The following RIPPLY3 variants were observed in gnomAD, a reference collection of about 807,000 sequenced individuals.
RIPPLY3 encodes ripply transcriptional repressor 3.
A neutral mutation model predicts 11.9 loss-of-function variants in RIPPLY3; 8 were observed. The ratio of observed to expected loss-of-function variants is 0.67; its 90% CI spans 0.40 to 1.21. RIPPLY3 has a LOEUF of 1.21. Among genes scored for constraint, RIPPLY3 ranks in the 50% most tolerant of loss-of-function variants. The probability of loss-of-function intolerance (pLI) is 0.01; values close to 1 mark genes in which losing one functional copy is unlikely to be tolerated. For missense variants in RIPPLY3, 271 were observed against 246.0 expected (o/e 1.10, Z -0.68); for synonymous variants, 102 against 99.0 (o/e 1.03, Z -0.18).
In RIPPLY3 at chr21:37,019,570, T is replaced by A. The variant is rs2069619773; in HGVS notation, c.*1363T>A. 6.6e-6 allele frequency: 1 copy of A among 152,172 alleles called. No individual in the cohort carries two copies. Among genetic ancestry groups the A allele is most frequent in the Non-Finnish European group, 1.5e-5 (1 of 68,042 alleles). 9.4% of individuals were successfully genotyped at this position (152,172 alleles called of 1,614,324 possible). A position where few individuals can be genotyped will look rare whatever the true frequency, so the allele number is the denominator to read the frequency against. ...TAATATTTTGATAAACGTGTATTCC[T>A]GAAACTTTTTGACTTACTTATCTTA... On this transcript the variant is annotated 3_prime_UTR_variant, in exon 4 of 4. Coordinates refer to ENST00000329553, the MANE Select transcript of RIPPLY3 (RefSeq NM_018962.3).
At chr21:37,013,380 C>T (rs11088373) in intron 2 of RIPPLY3, among the ~76,000 whole-genome samples, 171 bp from the exon 3 acceptor site, 26,302 of 152,094 alleles carry the variant, frequency 0.17, 2,857 homozygotes, top group South Asian at 0.34. Context: ...TTTTGGGCCG[C>T]GGTAACAGGA....
chr21:37,014,515 T>C (rs1049225704), intron 3 of RIPPLY3, among the ~76,000 whole-genome samples: 2 of 151,342 alleles, frequency 1.3e-5, no homozygotes, highest in Admixed American at 1.3e-4. Flanking sequence ...TCTGCCTGTC[T>C]CTCTGTCTCT....
Position 37,018,365 on chromosome 21 carries a change from C to T in RIPPLY3, c.*158C>T. 1.6e-6 allele frequency: 1 copy of T among 619,310 alleles called. No homozygotes were observed. The highest frequency in any genetic ancestry group is 2.8e-6 in the Non-Finnish European group (1 of 355,470). 38.4% of individuals were successfully genotyped at this position (619,310 alleles called of 1,614,324 possible). A position where few individuals can be genotyped will look rare whatever the true frequency, so the allele number is the denominator to read the frequency against. ...CACACTACTCATGACAGAAAGTCAG[C>T]TTTTACTTTTCTTTCCCCTGGCAAT... On this transcript the variant is annotated 3_prime_UTR_variant, in exon 4 of 4. Transcript: ENST00000329553.
chr21:37,018,302 T>G lies in RIPPLY3; in HGVS notation c.*95T>G. On this transcript the variant is annotated 3_prime_UTR_variant, in exon 4 of 4. Coordinates refer to ENST00000329553, the MANE Select transcript of RIPPLY3 (RefSeq NM_018962.3). ...GGACACTACGCATCCCTGCTGAGTG[T>G]GCAGAGGCTAGAGGCTTCTCGGGCA... The G allele has an allele frequency of 9.3e-7, 1 of 1,076,276 alleles. No homozygotes were observed. Among genetic ancestry groups the G allele is most frequent in the Non-Finnish European group, 1.4e-6 (1 of 716,344 alleles). 66.7% of individuals were successfully genotyped at this position (1,076,276 alleles called of 1,614,324 possible).
At chr21:37,009,613 A>G (rs1450848089) in intron 2 of RIPPLY3, among the ~76,000 whole-genome samples, 1 of 152,254 alleles carries the variant, frequency 6.6e-6, no homozygotes, top group Admixed American at 6.5e-5. Context: ...GATGTTTACA[A>G]TTATCCAGTT....
At chr21:37,012,224 A>ATTATTATTG (rs2069531583) in intron 2 of RIPPLY3, among the ~76,000 whole-genome samples, 1 of 144,306 alleles carries the variant, frequency 6.9e-6, no homozygotes, top group African/African-American at 2.6e-5. Flanking sequence ...TATTATTATT[A>ATTATTATTG]TTATTATTAT....
At chr21:37,016,984 C>T (rs954128461) in intron 3 of RIPPLY3, among the ~76,000 whole-genome samples, 9 of 151,848 alleles carry the variant, frequency 5.9e-5, no homozygotes, top group Non-Finnish European at 1.2e-4. Context: ...GGTGAAACTC[C>T]GTCTCTACTA....
chr21:37,006,704 T>C lies in RIPPLY3; in HGVS notation c.-69T>C, dbSNP rs2069466918. On this transcript the variant is annotated 5_prime_UTR_variant, in exon 1 of 4. Transcript: ENST00000329553. The surrounding 1 kb of genome is among the most constrained non-coding windows in gnomAD (Gnocchi z 5.2). ...CTGGCGCGCGGGTAGGTGAGCGCGT[T>C]AGCCCGAGTGGATCTAGGCGCGCTC... 1.9e-6 allele frequency: 2 copies of C among 1,033,918 alleles called. No individual in the cohort carries two copies. Among genetic ancestry groups the C allele is most frequent in the South Asian group, 4.8e-5 (1 of 20,938 alleles). The allele number at this position is 1,033,918 out of a possible 1,614,324, so 64.0% of individuals were successfully genotyped here. A position where few individuals can be genotyped will look rare whatever the true frequency, so the allele number is the denominator to read the frequency against.
intron 2 of RIPPLY3, among the ~76,000 whole-genome samples, chr21:37,012,254 T>TTATTATTA (rs1569286426): frequency 5.9e-5 from 6 of 101,328 alleles, no homozygotes; most frequent in African/African-American, 2.7e-4. Flanking sequence ...TATTATTATT[T>TTATTATTA]TTGAGACGGA....
In RIPPLY3 at chr21:37,018,393, G is replaced by A. The variant is rs570149476; in HGVS notation, c.*186G>A. 28 of 595,158 alleles carry A rather than the reference G, an allele frequency of 4.7e-5. No homozygotes were observed. The South Asian group carries it at 5.5e-4, about 12-fold the overall frequency. 36.9% of individuals were successfully genotyped at this position (595,158 alleles called of 1,614,324 possible). On this transcript the variant is annotated 3_prime_UTR_variant, in exon 4 of 4. Coordinates refer to ENST00000329553, the MANE Select transcript of RIPPLY3 (RefSeq NM_018962.3). ...TTACTTTTCTTTCCCCTGGCAATTC[G>A]TTTTTGGTGCACTCATGCATGCCTT... is the stretch of plus-strand genomic sequence containing the variant.
In RIPPLY3 at chr21:37,019,618, A is replaced by C. The variant is rs1410392801; in HGVS notation, c.*1411A>C. The C allele has an allele frequency of 2.6e-5, 4 of 152,154 alleles. No homozygotes were observed. Among genetic ancestry groups the C allele is most frequent in the African/African-American group, 9.7e-5 (4 of 41,450 alleles). 9.4% of individuals were successfully genotyped at this position (152,154 alleles called of 1,614,324 possible). Reference sequence around the variant, plus strand: ...TTACATGTGGTGTCTTCCTGTATATAGTACATTATATCAATTTCTACTTGA... The same window carrying C: ...TTACATGTGGTGTCTTCCTGTATATCGTACATTATATCAATTTCTACTTGA... On this transcript the variant is annotated 3_prime_UTR_variant, in exon 4 of 4. Coordinates refer to ENST00000329553, the MANE Select transcript of RIPPLY3 (RefSeq NM_018962.3).
In RIPPLY3 at chr21:37,018,098, A is replaced by G; in HGVS notation, c.464A>G (p.Gln155Arg). ...GGCCCAGGGGGAAAGGGCAGAGACC[A>G]GGGCATCAACCAAGGGCAGCGATCC... ...ENGPGGKGRD[Q>R]GINQGQRSSG... The change falls in exon 4 of 4, where the codon CAG (glutamine) becomes CGG (arginine). Residue 155 changes from glutamine to arginine, a missense_variant. Physicochemically the swap from Gln to Arg is conservative, Grantham distance 43 (BLOSUM62 1). Transcript: ENST00000329553. The G allele has an allele frequency of 6.2e-7, 1 of 1,614,092 alleles. No homozygotes were observed. The highest frequency in any genetic ancestry group is 8.5e-7 in the Non-Finnish European group (1 of 1,180,000).
rs899612751 is a variant in RIPPLY3, at chr21:37,019,403, C to T, written c.*1196C>T. 2 of 152,000 alleles carry T rather than the reference C, an allele frequency of 1.3e-5. No individual in the cohort carries two copies. Among genetic ancestry groups the T allele is most frequent in the Non-Finnish European group, 2.9e-5 (2 of 68,020 alleles). 9.4% of individuals were successfully genotyped at this position (152,000 alleles called of 1,614,324 possible). On this transcript the variant is annotated 3_prime_UTR_variant, in exon 4 of 4. Coordinates refer to ENST00000329553, the MANE Select transcript of RIPPLY3 (RefSeq NM_018962.3). ...ATTTATAGGGAGTAGAACCGTCTCT[C>T]TTCTTAGTTGGTGACTGTTTGGGGC...
In RIPPLY3 at chr21:37,008,185, A is replaced by T. The variant is rs777506836; in HGVS notation, c.133A>T (p.Thr45Ser). ...CGCGCCGTGGCGACCTTGGATCCAG[A>T]CACCTGGAGATGCTGAGCTGACCAG... ...SPAPWRPWIQ[T>S]PGDAELTRTG... Residue 45 changes from threonine to serine, a missense_variant, in exon 2 of 4, where the codon ACA becomes TCA. By Grantham distance (58) the Thr-to-Ser change is moderately conservative. Coordinates refer to ENST00000329553, the MANE Select transcript of RIPPLY3 (RefSeq NM_018962.3). 1.2e-6 allele frequency: 2 copies of T among 1,614,116 alleles called. No homozygotes were observed. The highest frequency in any genetic ancestry group is 2.2e-5 in the South Asian group (2 of 91,070).
intron 1 of RIPPLY3, 63 bp from the exon 2 acceptor site, chr21:37,008,094 G>A: frequency 6.4e-7 from 1 of 1,551,990 alleles, no homozygotes; most frequent in East Asian, 2.3e-5. Flanking sequence ...TAGCTCTCAT[G>A]GCATAGTTTG....
In RIPPLY3 at chr21:37,015,014, C is replaced by T. The variant is rs533316841; in HGVS notation, c.239+1396C>T. On this transcript the variant is annotated intron_variant, in intron 3 of 3. Coordinates refer to ENST00000329553, the MANE Select transcript of RIPPLY3 (RefSeq NM_018962.3). The stretch of plus-strand genomic sequence containing the variant: ...AAGCGTTGGGATTACAGGCATGAGC[C>T]ATTGCTACTGGCCACACCAATGGTT... Among the ~76,000 whole-genome samples, 4 of 152,318 alleles carry T rather than the reference C, an allele frequency of 2.6e-5. No individual in the cohort carries two copies. In the South Asian group the frequency reaches 8.3e-4, roughly 32 times the overall value.
At chr21:37,008,052 C>A in intron 1 of RIPPLY3, 105 bp from the exon 2 acceptor site, 1 of 1,182,380 alleles carries the variant, frequency 8.5e-7, no homozygotes, top group Non-Finnish European at 1.2e-6. Context: ...GGGTCCGGTG[C>A]CTCTTTTTCA....
chr21:37,014,591 G>T (rs763229885), intron 3 of RIPPLY3, among the ~76,000 whole-genome samples: 110 of 152,066 alleles, frequency 7.2e-4, no homozygotes, highest in Non-Finnish European at 1.1e-3. Flanking sequence ...TGCCTGGGCC[G>T]CCTCCACCAG....
intron 3 of RIPPLY3, among the ~76,000 whole-genome samples, chr21:37,017,368 C>T (rs2069589868): frequency 6.6e-6 from 1 of 152,102 alleles, no homozygotes; most frequent in Non-Finnish European, 1.5e-5. Flanking sequence ...ATGGCAACAT[C>T]TGGAAAAATT....
Sources: allele counts gnomAD v4.1 joint callset (sites outside exome capture counted in the v4.1 genomes callset), GRCh38; gene constraint gnomAD v4.1.1; non-coding constraint Gnocchi (gnomAD v3.1); transcripts MANE v1.5; gene names NCBI Gene and HGNC (gene_info 2026-07-23, HGNC 2026-07-21).